The following WDR33 variants were observed in gnomAD, a reference collection of about 807,000 sequenced individuals.
WDR33 encodes the protein pre-mRNA 3' end processing protein WDR33.
Under a neutral mutation model 164.9 loss-of-function variants are expected in WDR33, and 47 were observed. That is an observed-to-expected ratio of 0.29 (90% CI 0.23 to 0.36). The LOEUF (loss-of-function observed/expected upper bound fraction) is 0.36. Among genes scored for constraint, WDR33 ranks in the 10% least tolerant of loss-of-function variants. The pLI, the probability that WDR33 is intolerant of heterozygous loss-of-function variation, is 1.00. For synonymous variants in WDR33, 505 were observed against 589.0 expected, an observed-to-expected ratio of 0.86 and a Z score of 2.06; for missense variants, 1,137 against 1,754.1, an observed-to-expected ratio of 0.65 and a Z score of 6.28.
rs1558919325 is a variant in WDR33 at position 127,711,767 on chromosome 2, TA to T, written c.3308+1815del. ...ACATATACAGATATATATATATATATATATATATATATATTTTTTTTTTGAG... is the reference window on the plus strand; with the variant it reads ...ACATATACAGATATATATATATATATTATATATATATATTTTTTTTTTGAG... On this transcript the variant is annotated intron_variant, in intron 18 of 21. Coordinates refer to ENST00000322313, the MANE Select transcript of WDR33 (RefSeq NM_018383.5). Among the ~76,000 whole-genome samples the T allele has an allele frequency of 6.5e-4, 59 of 90,282 alleles. 3 individuals carry two copies. Among genetic ancestry groups the T allele is most frequent in the African/African-American group, 4.2e-3 (53 of 12,504 alleles). 59.2% of individuals were successfully genotyped at this position (90,282 alleles called of 152,430 possible). A position where few individuals can be genotyped will look rare whatever the true frequency, so the allele number is the denominator to read the frequency against.
chr2:127,798,036 A>G (rs1469108803), intron 1 of WDR33, among the ~76,000 whole-genome samples: 1 of 152,102 alleles, frequency 6.6e-6, no homozygotes, highest in Non-Finnish European at 1.5e-5. Flanking sequence ...GAAAGCAGGT[A>G]GGAAATTTCC....
At chr2:127,807,572 A>G (rs1365429027) in intron 1 of WDR33, among the ~76,000 whole-genome samples, 1 of 152,192 alleles carries the variant, frequency 6.6e-6, no homozygotes, top group Non-Finnish European at 1.5e-5. Flanking sequence ...TTATGAATAA[A>G]TGAGAGTCAC....
chr2:127,810,553 TTA>T (rs1289092856), intron 1 of WDR33, among the ~76,000 whole-genome samples: 2 of 152,208 alleles, frequency 1.3e-5, no homozygotes, highest in African/African-American at 4.8e-5. Context: ...AGCCTCATCC[TTA>T]TAATAAGCAC....
intron 1 of WDR33, among the ~76,000 whole-genome samples, chr2:127,786,092 A>T (rs1387774294): frequency 6.6e-6 from 1 of 152,216 alleles, no homozygotes; most frequent in African/African-American, 2.4e-5. Flanking sequence ...GAAGTGCAGT[A>T]GCACAATCAC....
intron 1 of WDR33, among the ~76,000 whole-genome samples, chr2:127,786,557 C>T (rs911812434): frequency 3.3e-5 from 5 of 152,224 alleles, no homozygotes; most frequent in East Asian, 1.9e-4. Context: ...GTGGTGCACA[C>T]CTGTGATCCC....
At chr2:127,760,294 G>GACTT (rs1405967959) in intron 7 of WDR33, among the ~76,000 whole-genome samples, 3 of 152,282 alleles carry the variant, frequency 2.0e-5, no homozygotes, top group Admixed American at 2.0e-4. Flanking sequence ...CAAAAGTAAT[G>GACTT]ACTTGATACA....
At chr2:127,751,835 C>A (rs1279668498) in intron 7 of WDR33, among the ~76,000 whole-genome samples, 1 of 152,148 alleles carries the variant, frequency 6.6e-6, no homozygotes, top group African/African-American at 2.4e-5. Context: ...CCTCTCTGAT[C>A]TTAGAGTCAC....
At chr2:127,755,754 G>C (rs1485227260) in intron 7 of WDR33, among the ~76,000 whole-genome samples, 1 of 152,128 alleles carries the variant, frequency 6.6e-6, no homozygotes, top group Non-Finnish European at 1.5e-5. Context: ...TCTAATCTTT[G>C]ATGACTCATG....
intron 1 of WDR33, among the ~76,000 whole-genome samples, chr2:127,787,480 C>CG (rs1188680244): frequency 7.4e-6 from 1 of 134,728 alleles, no homozygotes; most frequent in Non-Finnish European, 1.6e-5. Flanking sequence ...GCTGGCCGGG[C>CG]GGGGGGCTGA....
intron 7 of WDR33, among the ~76,000 whole-genome samples, chr2:127,761,367 A>G (rs1687670303): frequency 1.3e-5 from 2 of 151,802 alleles, no homozygotes; most frequent in Admixed American, 6.6e-5. Context: ...CACCCAGCTA[A>G]TTTTTTGTAT....
intron 7 of WDR33, among the ~76,000 whole-genome samples, chr2:127,750,555 T>C (rs921197952): frequency 3.4e-5 from 5 of 146,948 alleles, no homozygotes; most frequent in African/African-American, 7.6e-5. Context: ...GCTGAGGCAC[T>C]TGAGAATTGT....
chr2:127,735,397 A>C lies in WDR33; in HGVS notation c.725-8620T>G, dbSNP rs1410980658. 1.0e-6 allele frequency: 1 copy of C among 985,682 alleles called. No homozygotes were observed. The highest frequency in any genetic ancestry group is 6.2e-5 in the Admixed American group (1 of 16,258). 61.1% of individuals were successfully genotyped at this position (985,682 alleles called of 1,614,324 possible). On this transcript the variant is annotated intron_variant, in intron 7 of 21. Coordinates refer to ENST00000322313, the MANE Select transcript of WDR33 (RefSeq NM_018383.5). This position sits in a 1 kb window ranked among gnomAD's most constrained non-coding sequence, Gnocchi z 4.3. The stretch of plus-strand genomic sequence containing the variant: ...AACAGTCTGAAAACCAATACATAAT[A>C]AGTTTTATTTGAAGGTCAGAAATGG...
Position 127,701,880 on chromosome 2 carries a change from CTGGCGT to C in WDR33, c.*4437_*4442del, listed in dbSNP as rs1558914265. The C allele has an allele frequency of 1.4e-6, 2 of 1,457,804 alleles. No individual in the cohort carries two copies. The highest frequency in any genetic ancestry group is 2.5e-5 in the Admixed American group (1 of 39,962). The allele number at this position is 1,457,804 out of a possible 1,614,324, so 90.3% of individuals were successfully genotyped here. ...GCTGCTCTGGTCACTGGGCTCGGCG[CTGGCGT>C]TGGCGGGAAGCGCGCTGCTGCGGGG... On this transcript the variant is annotated 3_prime_UTR_variant, in exon 22 of 22. Coordinates refer to ENST00000322313, the MANE Select transcript of WDR33 (RefSeq NM_018383.5).
rs769828332 is a variant in WDR33 at position 127,708,863 on chromosome 2, G to T, written c.3595C>A (p.Pro1199Thr). The change falls in exon 21 of 22, where the codon CCC becomes ACC. Residue 1199 changes from proline (P) to threonine (T), a missense_variant. Around this residue, in one of 9 missense-constraint regions of WDR33, gnomAD observed 867 missense variants for 1,073.0 expected, o/e 0.81. Coordinates refer to ENST00000322313, the MANE Select transcript of WDR33 (RefSeq NM_018383.5). The surrounding 1 kb of genome is among the most constrained non-coding windows in gnomAD (Gnocchi z 6.7). ...GPGHEHFRDTPRPDHPPHDGH... is the reference protein window; with the variant it reads ...GPGHEHFRDTTRPDHPPHDGH... Reference sequence around the variant, plus strand: ...TCGTGAGGGGGATGATCAGGGCGGGGAGTATCACGAAAATGTTCATGACCT... The same window carrying T: ...TCGTGAGGGGGATGATCAGGGCGGGTAGTATCACGAAAATGTTCATGACCT... 6.3e-7 allele frequency: 1 copy of T among 1,586,684 alleles called. No individual in the cohort carries two copies. The highest frequency in any genetic ancestry group is 1.3e-5 in the African/African-American group (1 of 74,296).
In WDR33 at chr2:127,735,389, T is replaced by C. The variant is rs192833087; in HGVS notation, c.725-8612A>G. 129 of 985,772 alleles carry C rather than the reference T, an allele frequency of 1.3e-4. No individual in the cohort carries two copies. The African/African-American group carries it at 2.1e-3, about 16-fold the overall frequency. 61.1% of individuals were successfully genotyped at this position (985,772 alleles called of 1,614,324 possible). A position where few individuals can be genotyped will look rare whatever the true frequency, so the allele number is the denominator to read the frequency against. ...GCTCGGTGAACAGTCTGAAAACCAA[T>C]ACATAATAAGTTTTATTTGAAGGTC... On this transcript the variant is annotated intron_variant, in intron 7 of 21. Transcript: ENST00000322313. The surrounding 1 kb of genome is among the most constrained non-coding windows in gnomAD (Gnocchi z 4.3).
rs1220888579 is a variant in WDR33 at position 127,711,770 on chromosome 2, A to ATTTTTTT, written c.3308+1812_3308+1813insAAAAAAA. Among the ~76,000 whole-genome samples, 226 of 77,846 alleles carry ATTTTTTT rather than the reference A, an allele frequency of 2.9e-3. 14 individuals carry two copies. Among genetic ancestry groups the ATTTTTTT allele is most frequent in the East Asian group, 0.016 (49 of 3,020 alleles). The allele number at this position is 77,846 out of a possible 152,430, so 51.1% of individuals were successfully genotyped here. ...TATACAGATATATATATATATATAT[A>ATTTTTTT]TATATATATATTTTTTTTTTGAGAC... is the stretch of plus-strand genomic sequence containing the variant. On this transcript the variant is annotated intron_variant, in intron 18 of 21. Coordinates refer to ENST00000322313, the MANE Select transcript of WDR33 (RefSeq NM_018383.5).
At position 127,702,133 on chromosome 2, in the gene WDR33, G is replaced by A. The variant is rs1189915659; in HGVS notation, c.*4190C>T. 7 of 1,215,798 alleles carry A rather than the reference G, an allele frequency of 5.8e-6. No homozygotes were observed. Among genetic ancestry groups the A allele is most frequent in the Non-Finnish European group, 7.2e-6 (7 of 978,522 alleles). The allele number at this position is 1,215,798 out of a possible 1,614,324, so 75.3% of individuals were successfully genotyped here. ...ACCGCGCTGCGCCTCGCACTGGGTC[G>A]CCTGGGCCGCGGCGCCGGCCTCGCC... On this transcript the variant is annotated 3_prime_UTR_variant, in exon 22 of 22. Transcript: ENST00000322313.
rs1299339081 is a variant in WDR33, at chr2:127,775,083, A to G, written c.-23-4079T>C. ...AGAGATGGTGGCTGCAAAAAACTGA[A>G]TTTACCAAATCCCACTGAATTATAC... On this transcript the variant is annotated intron_variant, in intron 1 of 21. Coordinates refer to ENST00000322313, the MANE Select transcript of WDR33 (RefSeq NM_018383.5). Among the ~76,000 whole-genome samples the G allele has an allele frequency of 2.6e-5, 4 of 152,030 alleles. No individual in the cohort carries two copies. In the East Asian group the frequency reaches 7.7e-4, roughly 29 times the overall value.
intron 1 of WDR33, among the ~76,000 whole-genome samples, chr2:127,805,487 A>G (rs1689402671): frequency 6.6e-6 from 1 of 152,148 alleles, no homozygotes; most frequent in African/African-American, 2.4e-5. Flanking sequence ...AACAACAGGA[A>G]TTGAGAAACA....
Sources: allele counts gnomAD v4.1 joint callset (sites outside exome capture counted in the v4.1 genomes callset), GRCh38; gene constraint gnomAD v4.1.1; regional missense constraint gnomAD v4.1.1; non-coding constraint Gnocchi (gnomAD v3.1); transcripts MANE v1.5; gene names NCBI Gene and HGNC (gene_info 2026-07-23, HGNC 2026-07-21).